Variants in NPRL3 observed in about 807,000 individuals in gnomAD.
NPRL3 encodes the protein NPR3 like, GATOR1 complex subunit.
A neutral mutation model predicts 57.2 loss-of-function variants in NPRL3; 23 were observed. The ratio of observed to expected loss-of-function variants is 0.40; its 90% CI spans 0.29 to 0.57. The LOEUF (loss-of-function observed/expected upper bound fraction) is 0.57, where lower values mean the gene tolerates loss of function less well. Among genes scored for constraint, NPRL3 ranks in the 20% least tolerant of loss-of-function variants. NPRL3 has a pLI of 0.42. For missense variants in NPRL3, 691 were observed against 767.1 expected (o/e 0.90, Z 1.17); for synonymous variants, 333 against 321.1 (o/e 1.04, Z -0.39).
chr16:118,956 G>A (rs1411479141), intron 4 of NPRL3, among the ~76,000 whole-genome samples, 170 bp downstream of exon 4: 3 of 150,442 alleles, frequency 2.0e-5, no homozygotes, highest in Non-Finnish European at 4.4e-5. Flanking sequence ...CTGCCCAGGG[G>A]AAGCCAAATC....
rs764396337 is a variant in NPRL3, at chr16:89,753, G to A, written c.1311C>T (p.Arg437=). 1 of 1,596,260 alleles carries A rather than the reference G, an allele frequency of 6.3e-7. No homozygotes were observed. The highest frequency in any genetic ancestry group is 2.3e-5 in the East Asian group (1 of 43,782). The change falls in exon 12 of 14, where the codon CGC becomes CGT. Residue 437 remains arginine, a synonymous_variant. Transcript: ENST00000611875. ...TGAGGGCGTTGGGCGTGCTGAGGCT[G>A]CGACCGCCGACCCGGGCAGTGAAGG... ...DVPFTARVGG[R]SLSTPNALSF... is the part of the protein sequence containing the mutation.
At position 100,570 on chromosome 16, in the gene NPRL3, G is replaced by A. The variant is rs1596508820; in HGVS notation, c.630-61C>T. 3.6e-6 allele frequency: 5 copies of A among 1,377,608 alleles called. No homozygotes were observed. The East Asian group carries it at 1.4e-4, about 38-fold the overall frequency. 85.3% of individuals were successfully genotyped at this position (1,377,608 alleles called of 1,614,324 possible). ...ACTTTCTAACCATGCACACAGATCA[G>A]AAAACACCCTGCTCAATGGTGCTGA... is the stretch of plus-strand genomic sequence containing the variant. On this transcript the variant is annotated intron_variant, in intron 7 of 13. Transcript: ENST00000611875.
At position 138,287 on chromosome 16, in the gene NPRL3, C is replaced by A; in HGVS notation, c.-20G>T. ...CCGCATCCCGCCGTGGGGCCGGGGC[C>A]GGGGGCGGAGGGGGCCAGAGGAGGA... On this transcript the variant is annotated 5_prime_UTR_variant, in exon 2 of 14. Coordinates refer to ENST00000611875, the MANE Select transcript of NPRL3 (RefSeq NM_001077350.3). 6.4e-7 allele frequency: 1 copy of A among 1,571,634 alleles called. No individual in the cohort carries two copies. Among genetic ancestry groups the A allele is most frequent in the Non-Finnish European group, 8.6e-7 (1 of 1,160,110 alleles).
At position 89,762 on chromosome 16, in the gene NPRL3, G is replaced by A. The variant is rs570086678; in HGVS notation, c.1302C>T (p.Val434=). ...REDDVPFTAR[V]GGRSLSTPNA... is the part of the protein sequence containing the mutation. ...TGGGCGTGCTGAGGCTGCGACCGCC[G>A]ACCCGGGCAGTGAAGGGGACGTCGT... is the stretch of plus-strand genomic sequence containing the variant. Residue 434 remains valine (V), a synonymous_variant, in exon 12 of 14, where the codon GTC becomes GTT. Transcript: ENST00000611875. The A allele has an allele frequency of 3.0e-4, 475 of 1,597,460 alleles. 7 individuals carry two copies. In the South Asian group the frequency reaches 4.2e-3, roughly 14 times the overall value.
At chr16:115,532 T>G (rs566066195) in intron 5 of NPRL3, among the ~76,000 whole-genome samples, 1 of 150,820 alleles carries the variant, frequency 6.6e-6, no homozygotes, top group East Asian at 2.0e-4. Flanking sequence ...GTTGCCCAGA[T>G]TGGAGTGCAA....
chr16:95,477 T>G (rs912246859), intron 9 of NPRL3, among the ~76,000 whole-genome samples: 3 of 151,974 alleles, frequency 2.0e-5, no homozygotes, highest in African/African-American at 7.3e-5. Context: ...CTATAATTTG[T>G]GTAGTGTTTG....
At chr16:134,084 G>C (rs1199318451) in intron 2 of NPRL3, among the ~76,000 whole-genome samples, 2 of 152,058 alleles carry the variant, frequency 1.3e-5, no homozygotes, top group African/African-American at 4.8e-5. Context: ...AATACTGCAA[G>C]AATTACCAAA....
chr16:106,841 G>C (rs1227158477), intron 7 of NPRL3, among the ~76,000 whole-genome samples: 1 of 152,112 alleles, frequency 6.6e-6, no homozygotes, highest in Non-Finnish European at 1.5e-5. Flanking sequence ...CCTCCTCTCA[G>C]TGCAGAAGAG....
chr16:127,600 T>C (rs1209287725), intron 3 of NPRL3, among the ~76,000 whole-genome samples: 1 of 152,074 alleles, frequency 6.6e-6, no homozygotes, highest in Non-Finnish European at 1.5e-5. Context: ...GTAGACACTA[T>C]TTCCATATAG....
At chr16:131,597 CAAA>C (rs59373757) in intron 2 of NPRL3, among the ~76,000 whole-genome samples, 17 of 69,702 alleles carry the variant, frequency 2.4e-4, no homozygotes, top group African/African-American at 7.2e-4. Flanking sequence ...GACTCAGTCT[CAAA>C]AAAAAAAAAA....
At chr16:105,793 C>T (rs1899500805) in intron 7 of NPRL3, among the ~76,000 whole-genome samples, 2 of 152,162 alleles carry the variant, frequency 1.3e-5, no homozygotes, top group African/African-American at 4.8e-5. Context: ...AAGAGACATC[C>T]CTGCCCTCCT....
Position 85,717 on chromosome 16 carries a change from C to G in NPRL3, c.*988G>C. On this transcript the variant is annotated 3_prime_UTR_variant, in exon 14 of 14. Coordinates refer to ENST00000611875, the MANE Select transcript of NPRL3 (RefSeq NM_001077350.3). ...CCCGGAAACCCCTCCGCTTCTATGTCCGGGGCAGCCCCTGGGTCAGTGTGG... is the reference window on the plus strand; with the variant it reads ...CCCGGAAACCCCTCCGCTTCTATGTGCGGGGCAGCCCCTGGGTCAGTGTGG... 6.5e-7 allele frequency: 1 copy of G among 1,531,712 alleles called. No individual in the cohort carries two copies. The highest frequency in any genetic ancestry group is 8.8e-7 in the Non-Finnish European group (1 of 1,136,680). The allele number at this position is 1,531,712 out of a possible 1,614,324, so 94.9% of individuals were successfully genotyped here.
In NPRL3 at chr16:86,326, G is replaced by T. The variant is rs1196745845; in HGVS notation, c.*379C>A. Reference sequence around the variant, plus strand: ...CTGCACATTCTTCAGGGTGGCCACAGACTGGGGGGTCCAAGGAGCAGGTGT... The same window carrying T: ...CTGCACATTCTTCAGGGTGGCCACATACTGGGGGGTCCAAGGAGCAGGTGT... On this transcript the variant is annotated 3_prime_UTR_variant, in exon 14 of 14. Transcript: ENST00000611875. 2 of 216,640 alleles carry T rather than the reference G, an allele frequency of 9.2e-6. No individual in the cohort carries two copies. The highest frequency in any genetic ancestry group is 9.9e-5 in the East Asian group (1 of 10,138). The allele number at this position is 216,640 out of a possible 1,614,324, so 13.4% of individuals were successfully genotyped here.
At chr16:131,609 A>C (rs1426005599) in intron 2 of NPRL3, among the ~76,000 whole-genome samples, 1 of 151,412 alleles carries the variant, frequency 6.6e-6, no homozygotes, top group East Asian at 1.9e-4. Flanking sequence ...AAAAAAAAAA[A>C]AAAAAAAAAA....
rs577470170 is a variant in NPRL3, at chr16:100,885, C to T, written c.630-376G>A. ...ACTCGGGAGGCTGAGGCAGGAGAAT[C>T]ACTTGAACCCAGGAGGTGGAGGTTG... On this transcript the variant is annotated intron_variant, in intron 7 of 13. Coordinates refer to ENST00000611875, the MANE Select transcript of NPRL3 (RefSeq NM_001077350.3). 1.8e-3 allele frequency among the ~76,000 whole-genome samples: 265 copies of T among 143,620 alleles called. 1 individual carries two copies. Among genetic ancestry groups the T allele is most frequent in the African/African-American group, 6.6e-3 (248 of 37,622 alleles). The allele number at this position is 143,620 out of a possible 152,430, so 94.2% of individuals were successfully genotyped here. A position where few individuals can be genotyped will look rare whatever the true frequency, so the allele number is the denominator to read the frequency against.
intron 2 of NPRL3, among the ~76,000 whole-genome samples, chr16:132,671 T>C (rs1289736414): frequency 2.3e-5 from 3 of 130,726 alleles, no homozygotes; most frequent in Non-Finnish European, 4.8e-5. Context: ...TGTATTTCTT[T>C]TTTTTTTTTT....
intron 12 of NPRL3, chr16:89,358 C>G (rs566093638): frequency 1.2e-4 from 36 of 294,888 alleles, no homozygotes; most frequent in African/African-American, 7.3e-4. Context: ...TCAAGCCACA[C>G]TGGCCATGAC....
At chr16:95,363 ACACACACACACAC>A (rs1898958685) in intron 9 of NPRL3, among the ~76,000 whole-genome samples, 1 of 142,134 alleles carries the variant, frequency 7.0e-6, no homozygotes, top group Non-Finnish European at 1.6e-5. Flanking sequence ...ACACACACAC[ACACACACACACAC>A]ACACACACAA....
intron 3 of NPRL3, chr16:126,453 A>ATAC (rs1169832684): frequency 6.7e-6 from 1 of 149,232 alleles, no homozygotes; most frequent in African/African-American, 2.5e-5. Flanking sequence ...ATAATTAATA[A>ATAC]TAATAATAAT....
Sources: gnomAD v4.1 joint callset for allele counts (sites outside exome capture counted in the v4.1 genomes callset) on GRCh38, gnomAD v4.1.1 for gene constraint, MANE v1.5 for transcripts, NCBI Gene and HGNC (gene_info 2026-07-23, HGNC 2026-07-21) for gene names.